Variants in GGNBP2 observed in about 807,000 individuals in gnomAD.
The protein encoded by GGNBP2 is gametogenetin binding protein 2, also known as gametogenetin-binding protein 2.
Under a neutral mutation model 85.9 loss-of-function variants are expected in GGNBP2, and 10 were observed. The ratio of observed to expected loss-of-function variants is 0.12; its 90% CI spans 0.07 to 0.20. GGNBP2 has a LOEUF of 0.20. Ranked by LOEUF, GGNBP2 falls within the 10% of genes least tolerant of loss-of-function variation. The probability of loss-of-function intolerance (pLI) is 1.00; values close to 1 mark genes in which losing one functional copy is unlikely to be tolerated. For missense variants in GGNBP2, 595 were observed against 857.8 expected (o/e 0.69, Z 3.83); for synonymous variants, 287 against 285.7 (o/e 1.00, Z -0.05).
intron 5 of GGNBP2, among the ~76,000 whole-genome samples, chr17:36,566,357 G>T (rs929158454): frequency 1.3e-5 from 2 of 152,030 alleles, no homozygotes; most frequent in Admixed American, 6.6e-5. Context: ...TTTTTAGTAA[G>T]TTTGTTAAAA....
intron 6 of GGNBP2, among the ~76,000 whole-genome samples, chr17:36,573,047 A>G (rs2074542134): frequency 6.6e-6 from 1 of 152,200 alleles, no homozygotes; most frequent in Non-Finnish European, 1.5e-5. Context: ...AAAGCTGAAT[A>G]ATGTCACAAT....
chr17:36,547,919 C>T (rs907373739), intron 2 of GGNBP2, among the ~76,000 whole-genome samples: 9 of 152,172 alleles, frequency 5.9e-5, no homozygotes, highest in Admixed American at 2.0e-4. Context: ...AAACAAGTTT[C>T]TTTCAGGATA....
chr17:36,562,992 G>A (rs533665634), intron 5 of GGNBP2, among the ~76,000 whole-genome samples: 34 of 147,834 alleles, frequency 2.3e-4, no homozygotes, highest in African/African-American at 7.5e-4. Context: ...AAGGCTGGGC[G>A]TGGTGGCTCA....
chr17:36,587,557 A>C, intron 13 of GGNBP2: 1 of 299,430 alleles, frequency 3.3e-6, no homozygotes. Flanking sequence ...AAATACATTC[A>C]ACATCCCAAT....
At chr17:36,545,416 C>T in intron 1 of GGNBP2, 1 of 185,378 alleles carries the variant, frequency 5.4e-6, no homozygotes, top group Non-Finnish European at 8.5e-6. Context: ...GGCGGGCGGG[C>T]GGGCGGGAGA....
At chr17:36,582,920 C>G (rs966989388) in intron 9 of GGNBP2, among the ~76,000 whole-genome samples, 2 of 151,920 alleles carry the variant, frequency 1.3e-5, no homozygotes, top group South Asian at 2.1e-4. Context: ...TTAAGCTACT[C>G]CTTCAAAAAT....
rs751111708 is a variant in GGNBP2 at position 36,554,915 on chromosome 17, A to C, written c.174+15A>C. On this transcript the variant is annotated intron_variant, in intron 3 of 13. Coordinates refer to ENST00000613102, the MANE Select transcript of GGNBP2 (RefSeq NM_024835.5). ...AGTTCATTCAGGTAATAGTTTTTTC[A>C]ATCAGTGTTTTTAATGGTGTATGTG... 7 of 1,494,956 alleles carry C rather than the reference A, an allele frequency of 4.7e-6. No individual in the cohort carries two copies. Among genetic ancestry groups the C allele is most frequent in the Admixed American group, 1.7e-5 (1 of 59,752 alleles). The allele number at this position is 1,494,956 out of a possible 1,614,324, so 92.6% of individuals were successfully genotyped here.
intron 6 of GGNBP2, among the ~76,000 whole-genome samples, chr17:36,573,918 C>CTTTGGCA (rs2074550891): frequency 6.6e-6 from 1 of 152,050 alleles, no homozygotes; most frequent in African/African-American, 2.4e-5. Flanking sequence ...GTTGCCCAGG[C>CTTTGGCA]TGGAGTGCAG....
chr17:36,566,754 T>C (rs1324290608), intron 5 of GGNBP2, among the ~76,000 whole-genome samples: 1 of 152,184 alleles, frequency 6.6e-6, no homozygotes, highest in African/African-American at 2.4e-5. Flanking sequence ...GTACTATCTT[T>C]TAGTAAATGT....
intron 9 of GGNBP2, 33 bp from the exon 10 acceptor site, chr17:36,585,267 C>T (rs528807837): frequency 4.5e-5 from 72 of 1,585,288 alleles, no homozygotes; most frequent in Admixed American, 1.8e-4. Flanking sequence ...TGGAGTAAAG[C>T]TCTTGACTCT....
chr17:36,588,520 TG>T (rs756218086), intron 13 of GGNBP2, among the ~76,000 whole-genome samples: 2 of 152,176 alleles, frequency 1.3e-5, no homozygotes, highest in Admixed American at 6.5e-5. Flanking sequence ...CCTCCCAAAG[TG>T]CTGGGATTAC....
At chr17:36,552,408 G>A (rs1182066760) in intron 2 of GGNBP2, among the ~76,000 whole-genome samples, 2 of 152,106 alleles carry the variant, frequency 1.3e-5, no homozygotes, top group African/African-American at 4.8e-5. Flanking sequence ...ACAATAGGCA[G>A]TATGGTTCAT....
intron 8 of GGNBP2, among the ~76,000 whole-genome samples, chr17:36,580,983 A>G (rs1382136403): frequency 6.7e-6 from 1 of 149,582 alleles, no homozygotes; most frequent in Non-Finnish European, 1.5e-5. Flanking sequence ...GAGTGTGTAT[A>G]TTACCACAGA....
chr17:36,578,188 T>C lies in GGNBP2; in HGVS notation c.845+2T>C. On this transcript the variant is annotated splice_donor_variant, in intron 7 of 13. Coordinates refer to ENST00000613102, the MANE Select transcript of GGNBP2 (RefSeq NM_024835.5). LOFTEE classifies it high-confidence loss of function. ...TGCTGAGCCAGAGTTCGCAGGAGGG[T>C]ATGAGTATGTAATTTGCTAGAATGG... 6.2e-7 allele frequency: 1 copy of C among 1,600,758 alleles called. No individual in the cohort carries two copies. Among genetic ancestry groups the C allele is most frequent in the Non-Finnish European group, 8.5e-7 (1 of 1,170,526 alleles).
Position 36,578,120 on chromosome 17 carries a change from A to G in GGNBP2, c.779A>G (p.His260Arg). The G allele has an allele frequency of 6.2e-7, 1 of 1,614,134 alleles. No homozygotes were observed. The highest frequency in any genetic ancestry group is 1.3e-5 in the African/African-American group (1 of 75,066). The change falls in exon 7 of 14, where the codon CAT becomes CGT. Residue 260 changes from histidine (H) to arginine (R), a missense_variant. By Grantham distance (29) the His-to-Arg change is conservative. This residue lies in a region of GGNBP2 where 92 missense variants were observed against 183.9 expected (regional missense o/e 0.50). Coordinates refer to ENST00000613102, the MANE Select transcript of GGNBP2 (RefSeq NM_024835.5). The stretch of plus-strand genomic sequence containing the variant: ...TGCTGTCCACATGAACGACACATAC[A>G]TGTTTGCTGTGAAACAGACTTCATT... ...LRCCPHERHI[H>R]VCCETDFIAH... is the part of the protein sequence containing the mutation.
chr17:36,557,594 T>C (rs2074375354), intron 4 of GGNBP2, among the ~76,000 whole-genome samples: 1 of 152,012 alleles, frequency 6.6e-6, no homozygotes, highest in African/African-American at 2.4e-5. Flanking sequence ...GTAGAATTAT[T>C]GTGGAGGATG....
At chr17:36,563,221 G>A (rs959040127) in intron 5 of GGNBP2, among the ~76,000 whole-genome samples, 2 of 152,064 alleles carry the variant, frequency 1.3e-5, no homozygotes, top group South Asian at 2.1e-4. Flanking sequence ...AGCCAAGATC[G>A]CACCATTGCA....
At position 36,548,748 on chromosome 17, in the gene GGNBP2, A is replaced by G. The variant is rs192587391; in HGVS notation, c.93+2931A>G. 2.1e-3 allele frequency among the ~76,000 whole-genome samples: 311 copies of G among 150,844 alleles called. 3 individuals carry two copies. The highest frequency in any genetic ancestry group is 7.2e-3 in the African/African-American group (298 of 41,158). ...TGCCTGAGCTCAGGAGTTTGAGACC[A>G]GCCTGGGCAATGTGGTAAAAACCTG... On this transcript the variant is annotated intron_variant, in intron 2 of 13. Coordinates refer to ENST00000613102, the MANE Select transcript of GGNBP2 (RefSeq NM_024835.5).
chr17:36,579,073 C>G (rs887462927), intron 7 of GGNBP2, 172 bp from the exon 8 acceptor site: 1 of 575,168 alleles, frequency 1.7e-6, no homozygotes, highest in Non-Finnish European at 3.1e-6. Flanking sequence ...GTGTATTTCT[C>G]ATTGGTTGTG....
Sources: gnomAD v4.1 joint callset for allele counts (sites outside exome capture counted in the v4.1 genomes callset) on GRCh38, gnomAD v4.1.1 for gene constraint, gnomAD v4.1.1 regional missense constraint, MANE v1.5 for transcripts, NCBI Gene and HGNC (gene_info 2026-07-23, HGNC 2026-07-21) for gene names.